NPAS3: variants seen among roughly 807,000 people sequenced by gnomAD.
NPAS3 encodes the protein neuronal PAS domain-containing protein 3.
In NPAS3, 14 loss-of-function variants were observed where a neutral mutation model predicts 73.1. The ratio of observed to expected loss-of-function variants is 0.19; its 90% CI spans 0.13 to 0.30. The LOEUF (loss-of-function observed/expected upper bound fraction) is 0.30, where lower values mean the gene tolerates loss of function less well. Ranked by LOEUF, NPAS3 falls within the 10% of genes least tolerant of loss-of-function variation. The probability of loss-of-function intolerance (pLI) is 1.00; values close to 1 mark genes in which losing one functional copy is unlikely to be tolerated. For synonymous variants in NPAS3, 620 were observed against 541.5 expected (o/e 1.14, Z -2.01); for missense variants, 1,096 against 1,250.0 (o/e 0.88, Z 1.86).
At chr14:33,668,408 C>T (rs1016848985) in intron 5 of NPAS3, among the ~76,000 whole-genome samples, 1 of 152,124 alleles carries the variant, frequency 6.6e-6, no homozygotes, top group Admixed American at 6.6e-5. Context: ...GTCATATAAA[C>T]CACATTATTT....
At chr14:33,257,478 T>C (rs2048822307) in intron 3 of NPAS3, among the ~76,000 whole-genome samples, 1 of 152,204 alleles carries the variant, frequency 6.6e-6, no homozygotes, top group Non-Finnish European at 1.5e-5. Flanking sequence ...ATGGAGATGC[T>C]GGTGAAATAC....
At chr14:33,720,015 A>C (rs572503270) in intron 6 of NPAS3, among the ~76,000 whole-genome samples, 65 of 152,322 alleles carry the variant, frequency 4.3e-4, no homozygotes, top group African/African-American at 1.4e-3. Context: ...AATTACATTA[A>C]GAGGAACAAA....
At chr14:33,629,916 T>G (rs1206500177) in intron 5 of NPAS3, among the ~76,000 whole-genome samples, 1 of 152,166 alleles carries the variant, frequency 6.6e-6, no homozygotes, top group African/African-American at 2.4e-5. Context: ...CCAGCAAGAT[T>G]CTTTGAGAGC....
rs140011027 is a variant in NPAS3, at chr14:33,047,339, G to A, written c.51-8566G>A. Among the ~76,000 whole-genome samples, 394 of 152,254 alleles carry A rather than the reference G, an allele frequency of 2.6e-3. 3 individuals are homozygous for A. Among genetic ancestry groups the A allele is most frequent in the African/African-American group, 8.3e-3 (346 of 41,542 alleles). ...ATAATTAATATGTGATACCCACCCA[G>A]CTGAAACCCAAATCCCCATTGTGCA... On this transcript the variant is annotated intron_variant, in intron 1 of 11. Transcript: ENST00000356141.
At chr14:33,214,744 A>G (rs1452816027) in intron 2 of NPAS3, 6 of 156,742 alleles carry the variant, frequency 3.8e-5, no homozygotes, top group African/African-American at 1.2e-4. Flanking sequence ...GAATTTTTCA[A>G]AATAGTTCCT....
chr14:32,996,831 G>A (rs534567937), intron 1 of NPAS3, among the ~76,000 whole-genome samples: 35 of 152,304 alleles, frequency 2.3e-4, no homozygotes, highest in African/African-American at 3.6e-4. Flanking sequence ...ATGTGGGGTC[G>A]GGGCTCCCAC....
chr14:32,939,398 C>A, intron 1 of NPAS3, 32 bp downstream of exon 1: 1 of 629,810 alleles, frequency 1.6e-6, no homozygotes, highest in East Asian at 4.1e-5. Context: ...AACCTGCCGC[C>A]GGGCCGCTGC....
At chr14:33,168,563 G>A (rs2045259056) in intron 2 of NPAS3, among the ~76,000 whole-genome samples, 1 of 152,176 alleles carries the variant, frequency 6.6e-6, no homozygotes, top group Non-Finnish European at 1.5e-5. Context: ...GATCTTGTGT[G>A]ATAGCTCTCA....
intron 3 of NPAS3, among the ~76,000 whole-genome samples, chr14:33,259,423 T>C (rs769828391): frequency 6.6e-6 from 1 of 152,228 alleles, no homozygotes; most frequent in Non-Finnish European, 1.5e-5. Context: ...AATAGAAATA[T>C]GGTCTTTACT....
At chr14:33,297,253 G>C (rs2042340675) in intron 3 of NPAS3, among the ~76,000 whole-genome samples, 1 of 152,024 alleles carries the variant, frequency 6.6e-6, no homozygotes, top group Non-Finnish European at 1.5e-5. Flanking sequence ...TGTAAAAGAA[G>C]GAACTTTACC....
At chr14:33,094,498 C>A (rs1000609428) in intron 2 of NPAS3, among the ~76,000 whole-genome samples, 14 of 149,578 alleles carry the variant, frequency 9.4e-5, no homozygotes, top group African/African-American at 3.5e-4. Context: ...TGGAGTCTCA[C>A]TCTGTTGCCC....
intron 4 of NPAS3, among the ~76,000 whole-genome samples, chr14:33,504,844 T>C (rs1309290602): frequency 1.3e-5 from 2 of 152,014 alleles, no homozygotes; most frequent in African/African-American, 4.8e-5. Context: ...CAGCATGCTA[T>C]GGGATTCTAC....
At chr14:33,283,432 TC>T (rs2041711141) in intron 3 of NPAS3, among the ~76,000 whole-genome samples, 2 of 152,206 alleles carry the variant, frequency 1.3e-5, no homozygotes, top group African/African-American at 4.8e-5. Context: ...TTGATTGAGG[TC>T]ACTCAAACTT....
At chr14:33,205,086 G>T (rs1012418306) in intron 2 of NPAS3, among the ~76,000 whole-genome samples, 2 of 152,104 alleles carry the variant, frequency 1.3e-5, no homozygotes, top group African/African-American at 4.8e-5. Flanking sequence ...ATATGCAAAA[G>T]AAATGGTTTT....
intron 1 of NPAS3, among the ~76,000 whole-genome samples, chr14:32,986,411 T>C (rs766779501): frequency 2.0e-5 from 3 of 152,206 alleles, no homozygotes; most frequent in Non-Finnish European, 4.4e-5. Flanking sequence ...TGACACATTC[T>C]GAAAGAGTTG....
intron 6 of NPAS3, among the ~76,000 whole-genome samples, chr14:33,678,814 C>T (rs1048324478): frequency 7.3e-5 from 11 of 151,236 alleles, no homozygotes; most frequent in Admixed American, 7.2e-4. Context: ...AGGCTAGAGT[C>T]TAAATACGAC....
exon 8 of NPAS3, chr14:33,774,404 A>G: frequency 6.2e-7 from 1 of 1,614,140 alleles, no homozygotes; most frequent in South Asian, 1.1e-5. Flanking sequence ...GTCCCCAGCC[A>G]AATCATGGGT....
chr14:32,937,096 A>T (rs1283541667), upstream of NPAS3, among the ~76,000 whole-genome samples: 1 of 151,866 alleles, frequency 6.6e-6, no homozygotes, highest in African/African-American at 2.4e-5. Flanking sequence ...ACTGTCTTTT[A>T]GTCAAAATAG....
At chr14:33,335,401 C>G (rs1042984313) in intron 3 of NPAS3, among the ~76,000 whole-genome samples, 1 of 152,084 alleles carries the variant, frequency 6.6e-6, no homozygotes, top group Non-Finnish European at 1.5e-5. Flanking sequence ...TTGGGGGATT[C>G]TCCCTGCTTT....
Sources: allele counts gnomAD v4.1 joint callset (sites outside exome capture counted in the v4.1 genomes callset), GRCh38; gene constraint gnomAD v4.1.1; transcripts MANE v1.5; gene names NCBI Gene and HGNC (gene_info 2026-07-23, HGNC 2026-07-21).